The following C17orf113 variants were observed in gnomAD, a reference collection of about 807,000 sequenced individuals.
C17orf113 encodes the protein chromosome 17 open reading frame 113.
C17orf113 carries 5 observed loss-of-function variants against 11.6 expected under a neutral mutation model. That is an observed-to-expected ratio of 0.43 (90% CI 0.23 to 0.91). C17orf113 has a LOEUF of 0.91. Ranked by LOEUF, C17orf113 falls within the 40% of genes least tolerant of loss-of-function variation. The probability of loss-of-function intolerance (pLI) is 0.26; values close to 1 mark genes in which losing one functional copy is unlikely to be tolerated. For synonymous variants in C17orf113, 327 were observed against 390.6 expected (o/e 0.84, Z 1.92); for missense variants, 714 against 841.3 (o/e 0.85, Z 1.87).
intron 1 of C17orf113, among the ~76,000 whole-genome samples, chr17:42,047,796 G>A (rs2053198214): frequency 6.6e-6 from 1 of 151,912 alleles, no homozygotes; most frequent in African/African-American, 2.4e-5. Context: ...TGGGATTACA[G>A]GCGCGCACCA....
chr17:42,042,620 C>G (rs1354713651), intron 2 of C17orf113, among the ~76,000 whole-genome samples: 1 of 152,348 alleles, frequency 6.6e-6, no homozygotes, highest in East Asian at 1.9e-4. Context: ...GCCCCTGTGC[C>G]CGCTAAGAGG....
chr17:42,042,823 C>T lies in C17orf113; in HGVS notation c.543+11G>A. 8.1e-7 allele frequency: 1 copy of T among 1,232,222 alleles called. No homozygotes were observed. Among genetic ancestry groups the T allele is most frequent in the East Asian group, 3.2e-5 (1 of 31,708 alleles). The allele number at this position is 1,232,222 out of a possible 1,614,324, so 76.3% of individuals were successfully genotyped here. On this transcript the variant is annotated intron_variant, in intron 2 of 2. Transcript: ENST00000587304. ...CCAAGCCCTTCCCCCATACTTCTGG[C>T]TGTCACCCACCTGCATGTCCCTCAC...
intron 1 of C17orf113, among the ~76,000 whole-genome samples, chr17:42,044,783 G>C (rs1207164215): frequency 1.3e-5 from 2 of 152,090 alleles, no homozygotes; most frequent in African/African-American, 4.8e-5. Context: ...CCAGACCTGG[G>C]GCCTCAGACT....
In C17orf113 at chr17:42,040,768, C is replaced by T. The variant is rs782532459; in HGVS notation, c.965G>A (p.Arg322His). Residue 322 changes from arginine (R) to histidine (H), a missense_variant, in exon 3 of 3, where the codon CGC (arginine) becomes CAC (histidine). This residue lies in a region of C17orf113 where 516 missense variants were observed against 626.6 expected (regional missense o/e 0.82). Coordinates refer to ENST00000587304, the MANE Select transcript of C17orf113 (RefSeq NM_001358661.2). The part of the protein sequence containing the change: ...QYESILDALF[R>H]LHGGPSSHLV... Reference sequence around the variant, plus strand: ...GTGGGAACTAGGGCCACCATGGAGGCGGAATAGGGCATCCAATATGCTCTC... The same window carrying T: ...GTGGGAACTAGGGCCACCATGGAGGTGGAATAGGGCATCCAATATGCTCTC... 2.5e-4 allele frequency: 309 copies of T among 1,232,212 alleles called. No individual in the cohort carries two copies. Among genetic ancestry groups the T allele is most frequent in the Non-Finnish European group, 2.9e-4 (290 of 988,108 alleles). The allele number at this position is 1,232,212 out of a possible 1,614,324, so 76.3% of individuals were successfully genotyped here. A position where few individuals can be genotyped will look rare whatever the true frequency, so the allele number is the denominator to read the frequency against.
intron 1 of C17orf113, among the ~76,000 whole-genome samples, chr17:42,045,209 G>T (rs956475777): frequency 1.3e-5 from 2 of 152,070 alleles, no homozygotes; most frequent in Non-Finnish European, 2.9e-5. Context: ...GAGCCACCGC[G>T]CCCAGCCAAT....
In C17orf113 at chr17:42,043,264, TAGTCAA is replaced by T; in HGVS notation, c.107_112del (p.Phe36_Asp37del). On this transcript the variant is annotated inframe_deletion, in exon 2 of 3. Transcript: ENST00000587304. ...GAGGCAGAACATCAGCTTCCGCTCA[TAGTCAA>T]AGTCCAGCCAGGTAAACTCCTCTTT... The T allele has an allele frequency of 4.9e-6, 6 of 1,232,278 alleles. No homozygotes were observed. The highest frequency in any genetic ancestry group is 6.1e-6 in the Non-Finnish European group (6 of 988,018). The allele number at this position is 1,232,278 out of a possible 1,614,324, so 76.3% of individuals were successfully genotyped here.
At chr17:42,048,206 C>A (rs1217919667) in intron 1 of C17orf113, among the ~76,000 whole-genome samples, 1 of 151,978 alleles carries the variant, frequency 6.6e-6, no homozygotes, top group Non-Finnish European at 1.5e-5. Context: ...GCCTCCCCGG[C>A]CTGTTCCTAG....
Position 42,040,020 on chromosome 17 carries a change from A to C in C17orf113, c.1713T>G (p.Leu571=). ...ACAGGGCCCGCGGGCCGAGCCGCCC[A>C]AGGCCGAATACTACGCGCTTAAACA... ...FALFKRVVFG[L]GRLGPRALCT... Residue 571 remains leucine, a synonymous_variant, in exon 3 of 3, where the codon CTT becomes CTG. Transcript: ENST00000587304. The C allele has an allele frequency of 8.1e-7, 1 of 1,231,058 alleles. No individual in the cohort carries two copies. The highest frequency in any genetic ancestry group is 1.0e-6 in the Non-Finnish European group (1 of 987,476). The allele number at this position is 1,231,058 out of a possible 1,614,324, so 76.3% of individuals were successfully genotyped here. A position where few individuals can be genotyped will look rare whatever the true frequency, so the allele number is the denominator to read the frequency against.
At chr17:42,049,587 G>A (rs2053242316) in intron 1 of C17orf113, among the ~76,000 whole-genome samples, 1 of 152,224 alleles carries the variant, frequency 6.6e-6, no homozygotes, top group Admixed American at 6.5e-5. Flanking sequence ...TTCCTCCCAA[G>A]ATCCTGTGAT....
chr17:42,047,222 C>T (rs547048629), intron 1 of C17orf113, among the ~76,000 whole-genome samples: 7 of 152,194 alleles, frequency 4.6e-5, no homozygotes, highest in Admixed American at 3.9e-4. Flanking sequence ...TTAGTAGAGA[C>T]AGGGTTTCAC....
In C17orf113 at chr17:42,038,343, C is replaced by T. The variant is rs1269039811; in HGVS notation, c.*1362G>A. 1 of 398,560 alleles carries T rather than the reference C, an allele frequency of 2.5e-6. No individual in the cohort carries two copies. Among genetic ancestry groups the T allele is most frequent in the African/African-American group, 2.1e-5 (1 of 47,990 alleles). 24.7% of individuals were successfully genotyped at this position (398,560 alleles called of 1,614,324 possible). ...TAACTATCCTCCCTCCCTCCAGATC[C>T]CCAGGATTTCATGGCCAGGGCTGAC... On this transcript the variant is annotated 3_prime_UTR_variant, in exon 3 of 3. Coordinates refer to ENST00000587304, the MANE Select transcript of C17orf113 (RefSeq NM_001358661.2).
At chr17:42,049,378 TGCAC>T (rs1412900842) in intron 1 of C17orf113, among the ~76,000 whole-genome samples, 2 of 152,210 alleles carry the variant, frequency 1.3e-5, no homozygotes, top group Non-Finnish European at 2.9e-5. Context: ...CCCCTTCTCA[TGCAC>T]GTTCCCTGAG....
intron 1 of C17orf113, among the ~76,000 whole-genome samples, chr17:42,044,382 C>T (rs1183792459): frequency 1.3e-5 from 2 of 150,054 alleles, no homozygotes; most frequent in East Asian, 2.0e-4. Context: ...TTTGGGAGGC[C>T]GAGGCAGGCA....
chr17:42,046,028 CCTTA>C (rs1282172217), intron 1 of C17orf113, among the ~76,000 whole-genome samples: 8 of 152,230 alleles, frequency 5.3e-5, no homozygotes, highest in African/African-American at 1.9e-4. Context: ...CCTCCTCTTT[CCTTA>C]CTAATTCCCA....
Position 42,039,662 on chromosome 17 carries a change from C to T in C17orf113, c.*43G>A. 1 of 1,230,066 alleles carries T rather than the reference C, an allele frequency of 8.1e-7. No homozygotes were observed. The highest frequency in any genetic ancestry group is 1.0e-6 in the Non-Finnish European group (1 of 986,080). The allele number at this position is 1,230,066 out of a possible 1,614,324, so 76.2% of individuals were successfully genotyped here. On this transcript the variant is annotated 3_prime_UTR_variant, in exon 3 of 3. Transcript: ENST00000587304. The stretch of plus-strand genomic sequence containing the variant: ...CAAGTCTAGGTTGGCCCTTACAGTG[C>T]CCAGGGCCCCAGGCTGGATGGGCCG...
Position 42,040,640 on chromosome 17 carries a change from C to G in C17orf113, c.1093G>C (p.Ala365Pro). 1 of 1,232,296 alleles carries G rather than the reference C, an allele frequency of 8.1e-7. No homozygotes were observed. The allele number at this position is 1,232,296 out of a possible 1,614,324, so 76.3% of individuals were successfully genotyped here. A position where few individuals can be genotyped will look rare whatever the true frequency, so the allele number is the denominator to read the frequency against. Reference protein sequence around the residue: ...ASLLPVVEAVAEAWPGLVPTL... With the variant: ...ASLLPVVEAVPEAWPGLVPTL... ...GGCACCAGGCCAGGCCAGGCCTCGGCCACTGCTTCCACTACAGGCAGCAGG... is the reference window on the plus strand; with the variant it reads ...GGCACCAGGCCAGGCCAGGCCTCGGGCACTGCTTCCACTACAGGCAGCAGG... The change falls in exon 3 of 3, where the codon GCC (alanine) becomes CCC (proline). Residue 365 changes from alanine to proline, a missense_variant. Physicochemically the swap from Ala to Pro is conservative, Grantham distance 27 (BLOSUM62 -1). Transcript: ENST00000587304.
At position 42,040,687 on chromosome 17, in the gene C17orf113, G is replaced by A; in HGVS notation, c.1046C>T (p.Pro349Leu). ...CAGGGAGGCCCAGGGCACTGGCCGA[G>A]GCCCTGCCAAGTCAATAGCTGCAAG... ...LDLAAIDLAG[P>L]RPVPWASLLP... is the part of the protein sequence containing the mutation. The change falls in exon 3 of 3, where the codon CCT becomes CTT. Residue 349 changes from proline to leucine, a missense_variant. Pro to Leu is a moderately conservative substitution (Grantham distance 98, BLOSUM62 -3). Transcript: ENST00000587304. 1 of 1,232,300 alleles carries A rather than the reference G, an allele frequency of 8.1e-7. No individual in the cohort carries two copies. The highest frequency in any genetic ancestry group is 4.1e-5 in the South Asian group (1 of 24,326). The allele number at this position is 1,232,300 out of a possible 1,614,324, so 76.3% of individuals were successfully genotyped here.
In C17orf113 at chr17:42,045,108, G is replaced by A. The variant is rs186763649; in HGVS notation, c.-187-1545C>T. On this transcript the variant is annotated intron_variant, in intron 1 of 2. Transcript: ENST00000587304. ...AATTTTTTGTATTTTTAGTGGAGAC[G>A]GGGTTTCACCGTGTTAGCCACGATG... 2.0e-3 allele frequency among the ~76,000 whole-genome samples: 308 copies of A among 152,284 alleles called. 1 individual carries two copies. Among genetic ancestry groups the A allele is most frequent in the African/African-American group, 7.0e-3 (289 of 41,568 alleles).
rs1233578207 is a variant in C17orf113, at chr17:42,040,618, ACCAGG to A, written c.1110_1114del (p.Leu371AlafsTer91). ...AAGGGCTGCAGCCTCCAGGGTGGGC[ACCAGG>A]CCAGGCCAGGCCTCGGCCACTGCTT... On this transcript the variant is annotated frameshift_variant, in exon 3 of 3. Coordinates refer to ENST00000587304, the MANE Select transcript of C17orf113 (RefSeq NM_001358661.2). LOFTEE classifies it low-confidence loss of function (END_TRUNC). 14 of 1,232,318 alleles carry A rather than the reference ACCAGG, an allele frequency of 1.1e-5. No individual in the cohort carries two copies. Among genetic ancestry groups the A allele is most frequent in the Non-Finnish European group, 1.3e-5 (13 of 988,086 alleles). 76.3% of individuals were successfully genotyped at this position (1,232,318 alleles called of 1,614,324 possible). A position where few individuals can be genotyped will look rare whatever the true frequency, so the allele number is the denominator to read the frequency against.
Sources: gnomAD v4.1 joint callset for allele counts (sites outside exome capture counted in the v4.1 genomes callset) on GRCh38, gnomAD v4.1.1 for gene constraint, gnomAD v4.1.1 regional missense constraint, MANE v1.5 for transcripts, NCBI Gene and HGNC (gene_info 2026-07-23, HGNC 2026-07-21) for gene names.